SAMD3: variants seen among roughly 807,000 people sequenced by gnomAD.
SAMD3 encodes the protein sterile alpha motif domain containing 3, also known as sterile alpha motif domain-containing protein 3.
SAMD3 carries 63 observed loss-of-function variants against 58.5 expected under a neutral mutation model. The observed-to-expected ratio is 1.08, with a 90% CI of 0.88 to 1.33. The LOEUF (loss-of-function observed/expected upper bound fraction) is 1.33. Ranked by LOEUF, SAMD3 falls within the 40% of genes most tolerant of loss-of-function variation. The pLI is 0.00. For missense variants in SAMD3, 604 were observed against 608.4 expected (o/e 0.99, Z 0.08); for synonymous variants, 220 against 210.3 (o/e 1.05, Z -0.40).
At chr6:130,244,886 C>A (rs1167108081) in intron 2 of SAMD3, among the ~76,000 whole-genome samples, 1 of 152,146 alleles carries the variant, frequency 6.6e-6, no homozygotes, top group African/African-American at 2.4e-5. Context: ...TGCTGGGCCC[C>A]TAGTGATCCC....
At chr6:130,209,446 G>C in intron 5 of SAMD3, 49 bp downstream of exon 5, 1 of 966,250 alleles carries the variant, frequency 1.0e-6, no homozygotes. Flanking sequence ...AAAAGAAATA[G>C]AGAAGAATGT....
chr6:130,359,041 T>C (rs1226223420), intron 1 of SAMD3, among the ~76,000 whole-genome samples: 2 of 152,112 alleles, frequency 1.3e-5, no homozygotes, highest in African/African-American at 4.8e-5. Flanking sequence ...ACTTACTTAC[T>C]TGGATAAACT....
rs753496193 is a variant in SAMD3, at chr6:130,146,085, A to G, written c.1120T>C (p.Ser374Pro). The change falls in exon 10 of 12, where the codon TCA becomes CCA. Residue 374 changes from serine to proline, a missense_variant. Coordinates refer to ENST00000439090, the MANE Select transcript of SAMD3 (RefSeq NM_001017373.4). ...ATATTGATTGGATTGTCCACCACTGAAAAAGAAGTCAGTATATTTTCTGAA... is the reference window on the plus strand; with the variant it reads ...ATATTGATTGGATTGTCCACCACTGGAAAAGAAGTCAGTATATTTTCTGAA... The part of the protein sequence containing the change: ...SYSENILTSF[S>P]VVDNPINIVL... 1.9e-6 allele frequency: 3 copies of G among 1,602,436 alleles called. No homozygotes were observed. Among genetic ancestry groups the G allele is most frequent in the Admixed American group, 1.7e-5 (1 of 58,456 alleles).
intron 2 of SAMD3, among the ~76,000 whole-genome samples, chr6:130,231,128 C>A (rs933947822): frequency 4.6e-5 from 7 of 151,884 alleles, no homozygotes; most frequent in African/African-American, 1.7e-4. Flanking sequence ...GGAGAATATA[C>A]AAGGAAAAAT....
rs146082228 is a variant in SAMD3 at position 130,306,407 on chromosome 6, T to C, written c.-188+6571A>G. The stretch of plus-strand genomic sequence containing the variant: ...GAGGGTTAGAGAAGCAAAAGAAAAA[T>C]GATATTACCTGATGCCTATGTTTGC... On this transcript the variant is annotated intron_variant, in intron 2 of 13. Transcript: ENST00000368134. 2.2e-3 allele frequency among the ~76,000 whole-genome samples: 334 copies of C among 152,166 alleles called. 1 individual carries two copies. The highest frequency in any genetic ancestry group is 7.7e-3 in the African/African-American group (318 of 41,502).
At chr6:130,235,509 T>C (rs917171059) in intron 2 of SAMD3, among the ~76,000 whole-genome samples, 13 of 152,208 alleles carry the variant, frequency 8.5e-5, no homozygotes, top group Non-Finnish European at 1.6e-4. Flanking sequence ...GTCACTGTTA[T>C]TAGATTGAAC....
At chr6:130,316,288 TAA>T (rs777240578) in intron 1 of SAMD3, among the ~76,000 whole-genome samples, 3,835 of 80,096 alleles carry the variant, frequency 0.048, 60 homozygotes, top group Middle Eastern at 0.062. Flanking sequence ...AAGGCTGTCT[TAA>T]AAAAAAAAAA....
At chr6:130,308,350 A>ATTCTATTCTATTCTATTCTATTCTATTCT (rs1775980756) in intron 2 of SAMD3, among the ~76,000 whole-genome samples, 47 of 11,390 alleles carry the variant, frequency 4.1e-3, no homozygotes, top group African/African-American at 0.019. Flanking sequence ...AGTTCATAGA[A>ATTCTATTCTATTCTATTCTATTCTATTCT]TTCTATTCTA....
intron 2 of SAMD3, among the ~76,000 whole-genome samples, chr6:130,268,556 G>A (rs1774442810): frequency 6.6e-6 from 1 of 152,130 alleles, no homozygotes; most frequent in African/African-American, 2.4e-5. Context: ...ACCAGTTAGG[G>A]TAAGTGTCCT....
At chr6:130,248,802 T>C (rs138819173) in intron 2 of SAMD3, among the ~76,000 whole-genome samples, 99 of 152,296 alleles carry the variant, frequency 6.5e-4, no homozygotes, top group African/African-American at 2.4e-3. Context: ...GCTCCATTTA[T>C]AAGCAGTTTG....
intron 2 of SAMD3, among the ~76,000 whole-genome samples, chr6:130,251,106 T>C (rs1773723230): frequency 6.6e-6 from 1 of 152,220 alleles, no homozygotes; most frequent in Non-Finnish European, 1.5e-5. Flanking sequence ...TGCTATTATC[T>C]GTCTTTTTGA....
intron 2 of SAMD3, among the ~76,000 whole-genome samples, chr6:130,256,717 A>C (rs1258568584): frequency 3.9e-5 from 6 of 152,248 alleles, no homozygotes; most frequent in African/African-American, 1.4e-4. Flanking sequence ...AAAAGAAATG[A>C]AACAGAATTG....
intron 1 of SAMD3, among the ~76,000 whole-genome samples, chr6:130,364,101 C>T (rs558482583): frequency 1.3e-5 from 2 of 152,258 alleles, no homozygotes; most frequent in East Asian, 3.9e-4. Flanking sequence ...TCTTCTGAGA[C>T]TAATAGTAAT....
chr6:130,148,629 T>C (rs1044289525), intron 9 of SAMD3, among the ~76,000 whole-genome samples: 1 of 152,164 alleles, frequency 6.6e-6, no homozygotes, highest in Non-Finnish European at 1.5e-5. Flanking sequence ...TCCTAGCACT[T>C]TGGGAGGCCA....
intron 2 of SAMD3, among the ~76,000 whole-genome samples, chr6:130,298,749 A>C (rs1775651565): frequency 6.6e-6 from 1 of 152,266 alleles, no homozygotes; most frequent in South Asian, 2.1e-4. Context: ...CTTATGTGTA[A>C]AAACATTCAT....
At chr6:130,193,156 C>G (rs1793710987) in intron 5 of SAMD3, among the ~76,000 whole-genome samples, 2 of 152,142 alleles carry the variant, frequency 1.3e-5, no homozygotes, top group South Asian at 4.2e-4. Context: ...TGGTCCTTCA[C>G]CTTTAGCAGG....
At chr6:130,332,757 A>G (rs372979866) in intron 1 of SAMD3, among the ~76,000 whole-genome samples, 30 of 152,236 alleles carry the variant, frequency 2.0e-4, no homozygotes, top group African/African-American at 7.0e-4. Flanking sequence ...TGTGAAGGAG[A>G]AAGAATTAGC....
In SAMD3 at chr6:130,284,603, A is replaced by T. The variant is rs1050197187; in HGVS notation, c.-188+28375T>A. ...CAAGGCCATAAATTGGGTGGTAAGT[A>T]TTCAATAAAATTGTCTTTATAAGGG... On this transcript the variant is annotated intron_variant, in intron 2 of 13. Transcript: ENST00000368134. Among the ~76,000 whole-genome samples, 65 of 152,220 alleles carry T rather than the reference A, an allele frequency of 4.3e-4. 1 individual carries two copies. Among genetic ancestry groups the T allele is most frequent in the Non-Finnish European group, 1.8e-4 (12 of 68,020 alleles).
intron 2 of SAMD3, among the ~76,000 whole-genome samples, chr6:130,277,510 G>C (rs907515593): frequency 6.6e-6 from 1 of 152,170 alleles, no homozygotes; most frequent in Non-Finnish European, 1.5e-5. Flanking sequence ...ATACCATCTT[G>C]TTCTATTAAA....
Sources: gnomAD v4.1 joint callset for allele counts (sites outside exome capture counted in the v4.1 genomes callset) on GRCh38, gnomAD v4.1.1 for gene constraint, MANE v1.5 for transcripts, NCBI Gene and HGNC (gene_info 2026-07-23, HGNC 2026-07-21) for gene names.